Variants in GRIK5 observed in about 807,000 individuals in gnomAD.
GRIK5 encodes glutamate receptor ionotropic, kainate 5.
GRIK5 carries 43 observed loss-of-function variants against 97.4 expected under a neutral mutation model. The ratio of observed to expected loss-of-function variants is 0.44; its 90% CI spans 0.35 to 0.57. The LOEUF (loss-of-function observed/expected upper bound fraction) is 0.57. Ranked by LOEUF, GRIK5 falls within the 20% of genes least tolerant of loss-of-function variation. GRIK5 has a pLI of 0.01. For missense variants in GRIK5, 1,015 were observed against 1,382.0 expected, an observed-to-expected ratio of 0.73 and a Z score of 4.21; for synonymous variants, 580 against 583.5, an observed-to-expected ratio of 0.99 and a Z score of 0.09.
rs1555871131 is a variant in GRIK5, at chr19:42,002,337, G to A, written c.2514+995C>T. The A allele has an allele frequency of 1.4e-6, 1 of 717,664 alleles. No individual in the cohort carries two copies. The highest frequency in any genetic ancestry group is 2.0e-5 in the Admixed American group (1 of 50,026). 44.5% of individuals were successfully genotyped at this position (717,664 alleles called of 1,614,324 possible). A position where few individuals can be genotyped will look rare whatever the true frequency, so the allele number is the denominator to read the frequency against. On this transcript the variant is annotated intron_variant, in intron 19 of 19. Coordinates refer to ENST00000593562, the MANE Select transcript of GRIK5 (RefSeq NM_002088.5). The surrounding 1 kb of genome is among the most constrained non-coding windows in gnomAD (Gnocchi z 5.2). ...AGGGTTTAAGACTGGAGAAATGACA[G>A]CATATTTGTACGTTGGTGGCCTGAA...
chr19:42,045,561 A>G (rs1327756194), intron 11 of GRIK5, among the ~76,000 whole-genome samples: 2 of 152,198 alleles, frequency 1.3e-5, no homozygotes, highest in African/African-American at 4.8e-5. Context: ...TCACACAGTA[A>G]TAGAATCTCC....
At chr19:42,046,065 T>C (rs1045417780) in intron 11 of GRIK5, among the ~76,000 whole-genome samples, 3 of 152,022 alleles carry the variant, frequency 2.0e-5, no homozygotes, top group Non-Finnish European at 2.9e-5. Flanking sequence ...CCTTGACATA[T>C]AGAGGATAGA....
At chr19:42,066,473 G>GA (rs754077238) in intron 1 of GRIK5, among the ~76,000 whole-genome samples, 310 of 127,374 alleles carry the variant, frequency 2.4e-3, no homozygotes, top group African/African-American at 4.9e-3. Flanking sequence ...GTAAAAGGGG[G>GA]AAAAAAAAAA....
chr19:41,999,119 C>T lies in GRIK5; in HGVS notation c.2695G>A (p.Ala899Thr). ...KLYSAGAGGD[A>T]GSAHGGPQRL... ...TGCGGGCCCCCGTGCGCGCTGCCCG[C>T]ATCCCCGCCCGCGCCGGCCGAGTAG... is the stretch of plus-strand genomic sequence containing the variant. The change falls in exon 20 of 20, where the codon GCG becomes ACG. Residue 899 changes from alanine to threonine, a missense_variant. Ala to Thr is a moderately conservative substitution (Grantham distance 58, BLOSUM62 0). Around this residue, in one of 5 missense-constraint regions of GRIK5, gnomAD observed 229 missense variants for 341.0 expected, o/e 0.67. Coordinates refer to ENST00000593562, the MANE Select transcript of GRIK5 (RefSeq NM_002088.5). The surrounding 1 kb of genome is among the most constrained non-coding windows in gnomAD (Gnocchi z 5.0). The T allele has an allele frequency of 7.1e-7, 1 of 1,416,896 alleles. No homozygotes were observed. Among genetic ancestry groups the T allele is most frequent in the South Asian group, 1.5e-5 (1 of 68,792 alleles). The allele number at this position is 1,416,896 out of a possible 1,614,324, so 87.8% of individuals were successfully genotyped here. A position where few individuals can be genotyped will look rare whatever the true frequency, so the allele number is the denominator to read the frequency against.
intron 12 of GRIK5, among the ~76,000 whole-genome samples, chr19:42,033,938 C>T (rs904860282): frequency 1.3e-5 from 2 of 151,960 alleles, no homozygotes; most frequent in Non-Finnish European, 1.5e-5. Context: ...AGGTGGAGGT[C>T]GCAGTGAGCC....
intron 11 of GRIK5, among the ~76,000 whole-genome samples, chr19:42,053,158 G>A (rs1322981498): frequency 6.6e-6 from 1 of 152,174 alleles, no homozygotes; most frequent in Non-Finnish European, 1.5e-5. Context: ...CAAGACTCAG[G>A]CTCTGAAGGA....
rs748361082 is a variant in GRIK5 at position 42,021,496 on chromosome 19, GT to G, written c.1698-23del. 4.3e-5 allele frequency: 65 copies of G among 1,512,142 alleles called. No homozygotes were observed. The highest frequency in any genetic ancestry group is 5.8e-5 in the Non-Finnish European group (65 of 1,127,442). The allele number at this position is 1,512,142 out of a possible 1,614,324, so 93.7% of individuals were successfully genotyped here. ...CAGCCTGTGGAGAGACGTGCAGCGT[GT>G]GGATGGGGCCCAGAGCCCAGGTGGG... On this transcript the variant is annotated intron_variant, in intron 14 of 19. Transcript: ENST00000593562. The surrounding 1 kb of genome is among the most constrained non-coding windows in gnomAD (Gnocchi z 4.2).
chr19:42,063,242 C>A (rs2076284847), intron 3 of GRIK5: 1 of 463,182 alleles, frequency 2.2e-6, no homozygotes, highest in Non-Finnish European at 4.3e-6. Context: ...CCTGACCCCA[C>A]AGCCCAGGTC....
rs200262656 is a variant in GRIK5, at chr19:42,059,541, G to T, written c.509-14C>A. 193 of 1,605,836 alleles carry T rather than the reference G, an allele frequency of 1.2e-4. 1 individual carries two copies. The highest frequency in any genetic ancestry group is 8.5e-6 in the Non-Finnish European group (10 of 1,176,506). ...ATCGCAGCAGGCCTGAGGGAGGGGT[G>T]GGGCCTTGGGTTGGAGCCCTTCTGG... On this transcript the variant is annotated splice_polypyrimidine_tract_variant and intron_variant, in intron 5 of 19. Coordinates refer to ENST00000593562, the MANE Select transcript of GRIK5 (RefSeq NM_002088.5).
At chr19:42,034,396 A>T (rs545985514) in intron 12 of GRIK5, among the ~76,000 whole-genome samples, 2 of 152,218 alleles carry the variant, frequency 1.3e-5, no homozygotes, top group African/African-American at 4.8e-5. Flanking sequence ...ATAATAATAA[A>T]AAATAACAGC....
intron 15 of GRIK5, among the ~76,000 whole-genome samples, chr19:42,007,947 C>G (rs1555873091): frequency 1.3e-5 from 2 of 151,982 alleles, no homozygotes; most frequent in Non-Finnish European, 2.9e-5. Flanking sequence ...AAGTAATTCA[C>G]AAGTAACCTA....
chr19:42,062,391 T>G lies in GRIK5; in HGVS notation c.508+97A>C. ...GCCTGGTGCCTGGGTGCCCCAGGGT[T>G]CTAACTAGGGGGCAGTGAACCACTG... On this transcript the variant is annotated intron_variant, in intron 5 of 19. Transcript: ENST00000593562. This position sits in a 1 kb window ranked among gnomAD's most constrained non-coding sequence, Gnocchi z 5.3. 7.7e-7 allele frequency: 1 copy of G among 1,301,232 alleles called. No homozygotes were observed. Among genetic ancestry groups the G allele is most frequent in the Non-Finnish European group, 1.1e-6 (1 of 934,360 alleles). The allele number at this position is 1,301,232 out of a possible 1,614,324, so 80.6% of individuals were successfully genotyped here. A position where few individuals can be genotyped will look rare whatever the true frequency, so the allele number is the denominator to read the frequency against.
intron 15 of GRIK5, among the ~76,000 whole-genome samples, chr19:42,011,923 C>T (rs1263384732): frequency 6.6e-6 from 1 of 152,130 alleles, no homozygotes; most frequent in Non-Finnish European, 1.5e-5. Flanking sequence ...TGCCACTGCA[C>T]TCCAGCGTGG....
Position 42,042,654 on chromosome 19 carries a change from C to T in GRIK5, c.1371G>A (p.Leu457=). The change falls in exon 12 of 20, where the codon CTG becomes CTA. Residue 457 remains leucine, a synonymous_variant. Transcript: ENST00000593562. This position sits in a 1 kb window ranked among gnomAD's most constrained non-coding sequence, Gnocchi z 6.9. ...CVDMLRELAE[L]LRFRYRLRLV... The stretch of plus-strand genomic sequence containing the variant: ...ACCGCAGGCGGTAGCGGAAGCGCAG[C>T]AGCTCGGCCAGCTCCCGCAGCATGT... 1 of 1,613,452 alleles carries T rather than the reference C, an allele frequency of 6.2e-7. No individual in the cohort carries two copies. The highest frequency in any genetic ancestry group is 1.6e-4 in the Middle Eastern group (1 of 6,062).
chr19:42,068,335 G>A (rs1393913902), intron 1 of GRIK5: 2 of 161,432 alleles, frequency 1.2e-5, no homozygotes, highest in Non-Finnish European at 1.3e-5. Context: ...GAGATCCTGG[G>A]GCCTGAAAGC....
At chr19:42,059,274 G>C in intron 6 of GRIK5, 75 bp downstream of exon 6, 1 of 1,158,790 alleles carries the variant, frequency 8.6e-7, no homozygotes, top group East Asian at 2.4e-5. Context: ...GAGGCCCATG[G>C]GCATTGGGTG....
At chr19:42,012,222 A>ATGTG (rs953344156) in intron 15 of GRIK5, among the ~76,000 whole-genome samples, 6 of 150,094 alleles carry the variant, frequency 4.0e-5, no homozygotes, top group Non-Finnish European at 7.4e-5. Flanking sequence ...ATATACATGT[A>ATGTG]TGTGTATGTA....
Position 42,054,489 on chromosome 19 carries a change from G to A in GRIK5, c.904-17C>T. On this transcript the variant is annotated splice_polypyrimidine_tract_variant and intron_variant, in intron 8 of 19. Transcript: ENST00000593562. The stretch of plus-strand genomic sequence containing the variant: ...GGCTGACAGCTGCGGTGGGACAGAG[G>A]CGGGGGTGGGATGGATAAGAGGCTG... 2 of 1,609,016 alleles carry A rather than the reference G, an allele frequency of 1.2e-6. No homozygotes were observed. Among genetic ancestry groups the A allele is most frequent in the Non-Finnish European group, 1.7e-6 (2 of 1,178,696 alleles).
chr19:42,021,493 C>A lies in GRIK5; in HGVS notation c.1698-19G>T. 6.6e-7 allele frequency: 1 copy of A among 1,511,944 alleles called. No individual in the cohort carries two copies. 93.7% of individuals were successfully genotyped at this position (1,511,944 alleles called of 1,614,324 possible). On this transcript the variant is annotated intron_variant, in intron 14 of 19. Coordinates refer to ENST00000593562, the MANE Select transcript of GRIK5 (RefSeq NM_002088.5). The surrounding 1 kb of genome is among the most constrained non-coding windows in gnomAD (Gnocchi z 4.2). ...GCTCAGCCTGTGGAGAGACGTGCAG[C>A]GTGTGGATGGGGCCCAGAGCCCAGG... is the stretch of plus-strand genomic sequence containing the variant.
Sources: allele counts gnomAD v4.1 joint callset (sites outside exome capture counted in the v4.1 genomes callset), GRCh38; gene constraint gnomAD v4.1.1; regional missense constraint gnomAD v4.1.1; non-coding constraint Gnocchi (gnomAD v3.1); transcripts MANE v1.5; gene names NCBI Gene and HGNC (gene_info 2026-07-23, HGNC 2026-07-21).